Variants in GBP7 observed in about 807,000 individuals in gnomAD.
GBP7 encodes guanylate-binding protein 7.
A neutral mutation model predicts 61.3 loss-of-function variants in GBP7; 43 were observed. The observed-to-expected ratio is 0.70, with a 90% confidence interval of 0.55 to 0.91. The LOEUF is 0.91. Ranked by LOEUF, GBP7 falls within the 40% of genes least tolerant of loss-of-function variation. The pLI, the probability that GBP7 is intolerant of heterozygous loss-of-function variation, is 0.00. For missense variants in GBP7, 717 were observed against 740.5 expected (o/e 0.97, Z 0.37); for synonymous variants, 267 against 271.0 (o/e 0.99, Z 0.14).
At chr1:89,166,808 G>A (rs1311046883) in intron 2 of GBP7, among the ~76,000 whole-genome samples, 1 of 152,222 alleles carries the variant, frequency 6.6e-6, no homozygotes, top group Non-Finnish European at 1.5e-5. Context: ...AAACTTGCAA[G>A]TGGTCTAACT....
intron 5 of GBP7, among the ~76,000 whole-genome samples, chr1:89,151,502 G>A (rs1180346722): frequency 1.3e-5 from 2 of 152,170 alleles, no homozygotes; most frequent in African/African-American, 4.8e-5. Flanking sequence ...GTCTTGCAGA[G>A]GGATTCTGTG....
intron 9 of GBP7, among the ~76,000 whole-genome samples, chr1:89,134,321 C>T (rs370997636): frequency 3.0e-4 from 46 of 152,220 alleles, no homozygotes; most frequent in African/African-American, 9.2e-4. Context: ...AACCTGCCAC[C>T]ACCAATGCAC....
intron 3 of GBP7, among the ~76,000 whole-genome samples, chr1:89,158,898 T>C (rs1405681601): frequency 2.0e-5 from 3 of 151,404 alleles, no homozygotes; most frequent in Non-Finnish European, 4.4e-5. Context: ...GAGCCCGCAT[T>C]GCCAAGAGAA....
chr1:89,164,511 A>G (rs1647365337), intron 3 of GBP7, among the ~76,000 whole-genome samples: 1 of 152,250 alleles, frequency 6.6e-6, no homozygotes, highest in Admixed American at 6.5e-5. Context: ...ATTAAATTTT[A>G]TAATTCATCC....
chr1:89,159,774 C>G (rs948995699), intron 3 of GBP7, among the ~76,000 whole-genome samples: 5 of 152,180 alleles, frequency 3.3e-5, no homozygotes, highest in African/African-American at 1.2e-4. Flanking sequence ...GGACCGTAAT[C>G]TAGTTCAACC....
chr1:89,163,501 G>T (rs1012201533), intron 3 of GBP7, among the ~76,000 whole-genome samples: 3 of 151,900 alleles, frequency 2.0e-5, no homozygotes. Flanking sequence ...TCTTGAGAGG[G>T]TATATGTGTC....
At chr1:89,175,338 A>G (rs1570366606) in intron 1 of GBP7, among the ~76,000 whole-genome samples, 2 of 152,152 alleles carry the variant, frequency 1.3e-5, no homozygotes, top group South Asian at 2.1e-4. Flanking sequence ...TCTTATAGCA[A>G]TGGCCTACAG....
chr1:89,140,757 A>T (rs1348972424), intron 9 of GBP7, among the ~76,000 whole-genome samples: 1 of 152,232 alleles, frequency 6.6e-6, no homozygotes, highest in Non-Finnish European at 1.5e-5. Flanking sequence ...GTGCATGTTC[A>T]TCGGTGCACT....
rs377221695 is a variant in GBP7, at chr1:89,157,296, T to A, written c.319-4519A>T. 3.7e-4 allele frequency among the ~76,000 whole-genome samples: 56 copies of A among 152,020 alleles called. 6 individuals carry two copies. The highest frequency in any genetic ancestry group is 9.2e-4 in the Admixed American group (14 of 15,262). ...ATCCTAACATCACAATTAAAAGAAC[T>A]AGAGAAGCAAGAGCAAACACATTCA... On this transcript the variant is annotated intron_variant, in intron 3 of 10. Transcript: ENST00000294671.
intron 3 of GBP7, among the ~76,000 whole-genome samples, chr1:89,154,800 A>AT (rs796338241): frequency 4.6e-5 from 4 of 86,880 alleles, no homozygotes; most frequent in African/African-American, 2.1e-4. Flanking sequence ...AGTTAATAAA[A>AT]TTTAAAAAAA....
intron 9 of GBP7, among the ~76,000 whole-genome samples, chr1:89,136,095 T>C (rs1472529142): frequency 2.6e-5 from 4 of 152,192 alleles, no homozygotes; most frequent in Non-Finnish European, 5.9e-5. Context: ...AAAGTTTCAA[T>C]TCAACGAGAA....
intron 3 of GBP7, 147 bp from the exon 4 acceptor site, chr1:89,152,924 A>G: frequency 1.9e-6 from 1 of 514,306 alleles, no homozygotes; most frequent in African/African-American, 1.9e-5. Flanking sequence ...TGTAAGCTTT[A>G]TATGCTTGCC....
intron 1 of GBP7, among the ~76,000 whole-genome samples, chr1:89,172,760 C>T (rs1570365384): frequency 6.8e-6 from 1 of 147,992 alleles, no homozygotes; most frequent in East Asian, 2.0e-4. Context: ...TCTCATCATA[C>T]TTTTTTTTTT....
intron 3 of GBP7, 101 bp from the exon 4 acceptor site, chr1:89,152,878 GT>G: frequency 1.2e-6 from 1 of 836,418 alleles, no homozygotes; most frequent in Non-Finnish European, 1.8e-6. Context: ...AGTCATTCCA[GT>G]TTTCCCAAAA....
rs1682099052 is a variant in GBP7, at chr1:89,147,633, A to G, written c.1299T>C (p.Asn433=). ...RGTFFVPGGH[N]IYLEAKKKIE... The stretch of plus-strand genomic sequence containing the variant: ...TCTTCTTTTTTGCTTCTAAGTAGAT[A>G]TTGTGCCCCCCCGGAACAAAGAAAG... The change falls in exon 8 of 11, where the codon AAT becomes AAC. Residue 433 remains asparagine (N), a synonymous_variant. Coordinates refer to ENST00000294671, the MANE Select transcript of GBP7 (RefSeq NM_207398.3). 1 of 1,614,128 alleles carries G rather than the reference A, an allele frequency of 6.2e-7. No homozygotes were observed. Among genetic ancestry groups the G allele is most frequent in the Non-Finnish European group, 8.5e-7 (1 of 1,179,996 alleles).
chr1:89,155,019 G>C (rs766336487), intron 3 of GBP7, among the ~76,000 whole-genome samples: 4 of 152,144 alleles, frequency 2.6e-5, no homozygotes, highest in Non-Finnish European at 5.9e-5. Context: ...GGAAGGATCA[G>C]GCAGCAACAT....
In GBP7 at chr1:89,147,623, C is replaced by G; in HGVS notation, c.1309G>C (p.Glu437Gln). The G allele has an allele frequency of 1.2e-6, 2 of 1,614,092 alleles. No homozygotes were observed. The highest frequency in any genetic ancestry group is 1.1e-5 in the South Asian group (1 of 91,084). The change falls in exon 8 of 11, where the codon GAA (glutamate) becomes CAA (glutamine). Residue 437 changes from glutamate (E) to glutamine (Q), a missense_variant. Coordinates refer to ENST00000294671, the MANE Select transcript of GBP7 (RefSeq NM_207398.3). ...TCCTGTTCAATCTTCTTTTTTGCTT[C>G]TAAGTAGATATTGTGCCCCCCCGGA... ...FVPGGHNIYLEAKKKIEQDYT... is the reference protein window; with the variant it reads ...FVPGGHNIYLQAKKKIEQDYT...
chr1:89,153,338 T>A (rs2100649358), intron 3 of GBP7, among the ~76,000 whole-genome samples: 1 of 152,332 alleles, frequency 6.6e-6, no homozygotes, highest in South Asian at 2.1e-4. Context: ...GAAGATCATG[T>A]TAAAGTCAAG....
At position 89,132,279 on chromosome 1, in the gene GBP7, A is replaced by G; in HGVS notation, c.1787T>C (p.Ile596Thr). 2 of 1,614,038 alleles carry G rather than the reference A, an allele frequency of 1.2e-6. No homozygotes were observed. Among genetic ancestry groups the G allele is most frequent in the Non-Finnish European group, 8.5e-7 (1 of 1,179,970 alleles). ...AAATATACTGCCAGCCACATCAAGA[A>G]TCTGTGAAAACACTGAGGGCTCTTC... ...ENEEPSVFSQ[I>T]LDVAGSIFIA... The change falls in exon 11 of 11, where the codon ATT (isoleucine) becomes ACT (threonine). Residue 596 changes from isoleucine (I) to threonine (T), a missense_variant. Transcript: ENST00000294671.
Sources: allele counts gnomAD v4.1 joint callset (sites outside exome capture counted in the v4.1 genomes callset), GRCh38; gene constraint gnomAD v4.1.1; transcripts MANE v1.5; gene names NCBI Gene and HGNC (gene_info 2026-07-23, HGNC 2026-07-21).